Variants in CD244 observed in about 807,000 individuals in gnomAD.
CD244 encodes CD244 molecule, also known as natural killer cell receptor 2B4.
A neutral mutation model predicts 45.5 loss-of-function variants in CD244; 20 were observed. The ratio of observed to expected loss-of-function variants is 0.44; its 90% CI spans 0.31 to 0.64. The LOEUF is 0.64. Ranked by LOEUF, CD244 falls within the 30% of genes least tolerant of loss-of-function variation. CD244 has a pLI of 0.08. For synonymous variants in CD244, 185 were observed against 160.5 expected, an observed-to-expected ratio of 1.15 and a Z score of -1.15; for missense variants, 407 against 426.9, an observed-to-expected ratio of 0.95 and a Z score of 0.41.
At chr1:160,858,274 T>G (rs1229918819) in intron 1 of CD244, among the ~76,000 whole-genome samples, 4 of 152,052 alleles carry the variant, frequency 2.6e-5, no homozygotes, top group Admixed American at 2.0e-4. Context: ...CCAGCCCTTC[T>G]ACAGCTTGCC....
chr1:160,832,072 G>A (rs1669145489), intron 8 of CD244, among the ~76,000 whole-genome samples: 1 of 152,090 alleles, frequency 6.6e-6, no homozygotes, highest in African/African-American at 2.4e-5. Flanking sequence ...AGGCTCAGTG[G>A]TCATCTCTGA....
chr1:160,852,873 A>T (rs1036183361), intron 1 of CD244, among the ~76,000 whole-genome samples: 1 of 152,080 alleles, frequency 6.6e-6, no homozygotes, highest in Non-Finnish European at 1.5e-5. Flanking sequence ...AAGAAAAAAA[A>T]TTAGCTGGGC....
intron 1 of CD244, among the ~76,000 whole-genome samples, chr1:160,862,046 T>C (rs922515909): frequency 6.6e-6 from 1 of 152,088 alleles, no homozygotes; most frequent in Non-Finnish European, 1.5e-5. Context: ...CCTCATATTG[T>C]CTCCTTCTTC....
At chr1:160,854,158 G>A (rs1393636522) in intron 1 of CD244, among the ~76,000 whole-genome samples, 3 of 152,100 alleles carry the variant, frequency 2.0e-5, no homozygotes, top group Non-Finnish European at 4.4e-5. Context: ...GTTTAGTGGT[G>A]GTTTCACTTT....
chr1:160,845,921 A>T (rs1355187050), intron 1 of CD244, among the ~76,000 whole-genome samples: 1 of 152,202 alleles, frequency 6.6e-6, no homozygotes. Flanking sequence ...CATCAAAAAA[A>T]TTATGGAAAC....
rs193258879 is a variant in CD244 at position 160,858,096 on chromosome 1, C to A, written c.61+4521G>T. ...AAAAATAAAAAATTAAAAAAAAAAACAAGACATGCCCTGTCTCTCCTTGAA... is the reference window on the plus strand; with the variant it reads ...AAAAATAAAAAATTAAAAAAAAAAAAAAGACATGCCCTGTCTCTCCTTGAA... On this transcript the variant is annotated intron_variant, in intron 1 of 8. Transcript: ENST00000368034. 2.1e-4 allele frequency among the ~76,000 whole-genome samples: 31 copies of A among 146,468 alleles called. No homozygotes were observed. The East Asian group carries it at 5.9e-3, about 28-fold the overall frequency.
chr1:160,862,523 G>A, intron 1 of CD244, 94 bp downstream of exon 1: 1 of 1,084,884 alleles, frequency 9.2e-7, no homozygotes, highest in Non-Finnish European at 1.4e-6. Context: ...AGATGACTGT[G>A]TATGTGGCAC....
rs1424566605 is a variant in CD244, at chr1:160,853,763, G to A, written c.61+8854C>T. 4.5e-5 allele frequency among the ~76,000 whole-genome samples: 6 copies of A among 132,348 alleles called. No individual in the cohort carries two copies. The East Asian group carries it at 1.3e-3, about 29-fold the overall frequency. 86.8% of individuals were successfully genotyped at this position (132,348 alleles called of 152,430 possible). On this transcript the variant is annotated intron_variant, in intron 1 of 8. Transcript: ENST00000368034. ...TGCACCACTGCACCCCAGCCTGGGT[G>A]ACAGAGCAAGACCCTGCCTAAAAAA...
intron 1 of CD244, among the ~76,000 whole-genome samples, chr1:160,842,683 A>T (rs1048214530): frequency 1.3e-5 from 2 of 152,072 alleles, no homozygotes; most frequent in Non-Finnish European, 2.9e-5. Context: ...TTACTTATTG[A>T]TGTTTGCCAG....
chr1:160,845,965 A>G (rs1169831013), intron 1 of CD244, among the ~76,000 whole-genome samples: 4 of 152,206 alleles, frequency 2.6e-5, no homozygotes, highest in Admixed American at 2.6e-4. Context: ...AAATAGCCAG[A>G]GTGGGGGAAA....
Position 160,841,314 on chromosome 1 carries a change from AC to A in CD244, c.550del (p.Val184LeufsTer24), listed in dbSNP as rs1557835396. The A allele has an allele frequency of 6.2e-7, 1 of 1,614,026 alleles. No homozygotes were observed. Among genetic ancestry groups the A allele is most frequent in the Non-Finnish European group, 8.5e-7 (1 of 1,180,014 alleles). ...ATATGTGTGAGTGCCATTAATGTCA[AC>A]CTCCTCGTCCAGGTAGGTGAGGTTC... ...AGNLTYLDEE[V>X]DINGTHTYTC... On this transcript the variant is annotated frameshift_variant, in exon 3 of 9. Transcript: ENST00000368034. LOFTEE classifies it high-confidence loss of function.
chr1:160,856,043 C>T (rs1211578340), intron 1 of CD244, among the ~76,000 whole-genome samples: 1 of 152,130 alleles, frequency 6.6e-6, no homozygotes, highest in Non-Finnish European at 1.5e-5. Context: ...TTCCACCAGC[C>T]AACAAATAGA....
rs572308423 is a variant in CD244, at chr1:160,834,597, C to T, written c.895-481G>A. On this transcript the variant is annotated intron_variant, in intron 6 of 8. Coordinates refer to ENST00000368034, the MANE Select transcript of CD244 (RefSeq NM_016382.4). ...CAAACCCCTGACCTCGTGATCCGCC[C>T]GCCTCGGCCTCCCAAAGTGTTGGGA... Among the ~76,000 whole-genome samples the T allele has an allele frequency of 2.3e-4, 35 of 152,312 alleles. No homozygotes were observed. In the East Asian group the frequency reaches 3.5e-3, roughly 15 times the overall value.
At chr1:160,854,475 C>G (rs111782595) in intron 1 of CD244, among the ~76,000 whole-genome samples, 11,701 of 152,044 alleles carry the variant, frequency 0.077, 1,408 homozygotes, top group African/African-American at 0.26. Context: ...CTCTGCCTCC[C>G]AGGTTCAAGT....
chr1:160,841,658 C>T lies in CD244; in HGVS notation c.305G>A (p.Ser102Asn), dbSNP rs745632799. The change falls in exon 2 of 9, where the codon AGT becomes AAT. Residue 102 changes from serine to asparagine, a missense_variant. By Grantham distance (46) the Ser-to-Asn change is conservative (BLOSUM62 1). Transcript: ENST00000368034. ...LLIKAAQQQD[S>N]GLYCLEVTSI... ...GGTGACCTCCAGGCAGTAGAGGCCACTGTCCTGCTGCTGAGCTGCCTTGAT... is the reference window on the plus strand; with the variant it reads ...GGTGACCTCCAGGCAGTAGAGGCCATTGTCCTGCTGCTGAGCTGCCTTGAT... 1 of 1,614,182 alleles carries T rather than the reference C, an allele frequency of 6.2e-7. No homozygotes were observed. The highest frequency in any genetic ancestry group is 2.2e-5 in the East Asian group (1 of 44,894).
intron 1 of CD244, among the ~76,000 whole-genome samples, chr1:160,856,547 T>C (rs1670111649): frequency 2.0e-5 from 3 of 152,236 alleles, no homozygotes; most frequent in Admixed American, 2.0e-4. Flanking sequence ...TGTTCCTACC[T>C]AGAAGGAATC....
At chr1:160,844,741 A>G (rs2101877696) in intron 1 of CD244, among the ~76,000 whole-genome samples, 2 of 152,268 alleles carry the variant, frequency 1.3e-5, no homozygotes, top group Non-Finnish European at 2.9e-5. Flanking sequence ...TTGGGAGGCC[A>G]AGGCCGGCAG....
At chr1:160,838,651 T>C in intron 4 of CD244, 133 bp from the exon 5 acceptor site, 1 of 711,496 alleles carries the variant, frequency 1.4e-6, no homozygotes, top group South Asian at 1.6e-5. Flanking sequence ...GTTAATGCTC[T>C]TCCCAGGAAC....
intron 7 of CD244, 87 bp from the exon 8 acceptor site, chr1:160,832,662 C>T (rs1571082482): frequency 1.3e-6 from 2 of 1,584,904 alleles, no homozygotes; most frequent in African/African-American, 1.3e-5. Flanking sequence ...AAAAGAGACT[C>T]AGGGCCCAGA....
Sources: allele counts gnomAD v4.1 joint callset (sites outside exome capture counted in the v4.1 genomes callset), GRCh38; gene constraint gnomAD v4.1.1; transcripts MANE v1.5; gene names NCBI Gene and HGNC (gene_info 2026-07-23, HGNC 2026-07-21).